CTRB1: variants seen among roughly 807,000 people sequenced by gnomAD.
CTRB1 encodes the protein chymotrypsinogen B.
CTRB1 carries 15 observed loss-of-function variants against 20.4 expected under a neutral mutation model. The ratio of observed to expected loss-of-function variants is 0.74; its 90% confidence interval spans 0.49 to 1.13. The LOEUF (loss-of-function observed/expected upper bound fraction) is 1.13. Ranked by LOEUF, CTRB1 falls within the 50% of genes most tolerant of loss-of-function variation. The pLI is 0.00. For missense variants in CTRB1, 227 were observed against 290.1 expected (o/e 0.78, Z 1.58); for synonymous variants, 92 against 128.4 (o/e 0.72, Z 1.92).
chr16:75,224,564 T>G, intron 6 of CTRB1, 141 bp from the exon 7 acceptor site: 1 of 1,046,712 alleles, frequency 9.6e-7, no homozygotes, highest in South Asian at 1.6e-5. Flanking sequence ...ACTAGGGTCT[T>G]TCATAACCCA....
chr16:75,224,001 C>T, intron 5 of CTRB1, 54 bp from the exon 6 acceptor site: 1 of 631,802 alleles, frequency 1.6e-6, no homozygotes, highest in Non-Finnish European at 2.5e-6. Flanking sequence ...GGGTCTCTCC[C>T]TCCACTCTTG....
intron 1 of CTRB1, among the ~76,000 whole-genome samples, chr16:75,219,980 G>C (rs1567568616): frequency 6.6e-6 from 1 of 151,800 alleles, no homozygotes; most frequent in Non-Finnish European, 1.5e-5. Context: ...ATTCTATCCT[G>C]TTTTTGGTTT....
intron 1 of CTRB1, among the ~76,000 whole-genome samples, chr16:75,221,623 G>C (rs530547105): frequency 6.6e-6 from 1 of 152,116 alleles, no homozygotes; most frequent in African/African-American, 2.4e-5. Context: ...GCCTCTCAAA[G>C]TGTTAGGATT....
chr16:75,222,647 T>C, intron 1 of CTRB1, 121 bp from the exon 2 acceptor site: 1 of 1,105,888 alleles, frequency 9.0e-7, no homozygotes, highest in Non-Finnish European at 1.3e-6. Flanking sequence ...AGGCGGCATG[T>C]GCCAGGGAGG....
At chr16:75,222,685 T>C (rs1439152796) in intron 1 of CTRB1, 83 bp from the exon 2 acceptor site, 12 of 1,439,950 alleles carry the variant, frequency 8.3e-6, no homozygotes, top group Non-Finnish European at 8.4e-6. Flanking sequence ...TGGACTGGGG[T>C]AGAACCGGGA....
Position 75,219,078 on chromosome 16 carries a change from G to T in CTRB1, c.52+19G>T. 6.3e-7 allele frequency: 1 copy of T among 1,579,420 alleles called. No homozygotes were observed. On this transcript the variant is annotated intron_variant, in intron 1 of 6. Transcript: ENST00000361017. ...GCCTTTGGTGAGTGCTGGTGCCCGA[G>T]GGGTCTGTCCTGAGGGAGCCCTGAG...
rs2076724759 is a variant in CTRB1 at position 75,224,785 on chromosome 16, C to T, written c.711C>T (p.Thr237=). Residue 237 remains threonine, a synonymous_variant, in exon 7 of 7, where the codon ACC becomes ACT. Coordinates refer to ENST00000361017, the MANE Select transcript of CTRB1 (RefSeq NM_001906.6). ...GCATTGTGTCCTGGGGCAGCGACAC[C>T]TGCTCCACCTCCAGCCCTGGCGTGT... ...LVGIVSWGSD[T]CSTSSPGVYA... The T allele has an allele frequency of 6.2e-7, 1 of 1,614,004 alleles. No individual in the cohort carries two copies. Among genetic ancestry groups the T allele is most frequent in the Non-Finnish European group, 8.5e-7 (1 of 1,180,038 alleles).
chr16:75,224,565 T>C (rs1330958493), intron 6 of CTRB1, 140 bp from the exon 7 acceptor site: 27 of 1,053,262 alleles, frequency 2.6e-5, no homozygotes, highest in Non-Finnish European at 3.7e-5. Flanking sequence ...CTAGGGTCTT[T>C]CATAACCCAC....
intron 1 of CTRB1, among the ~76,000 whole-genome samples, chr16:75,220,411 T>A (rs1223570597): frequency 6.6e-6 from 1 of 152,204 alleles, no homozygotes. Flanking sequence ...CTTGAACTCC[T>A]AACCTCCAGT....
At chr16:75,219,626 C>T (rs193214591) in intron 1 of CTRB1, among the ~76,000 whole-genome samples, 3,584 of 152,242 alleles carry the variant, frequency 0.024, 89 homozygotes, top group Middle Eastern at 0.11. Flanking sequence ...TCAGGTGATG[C>T]CCCCGCCTCG....
chr16:75,222,607 A>C (rs1022600521), intron 1 of CTRB1, 161 bp from the exon 2 acceptor site: 1 of 728,016 alleles, frequency 1.4e-6, no homozygotes, highest in Non-Finnish European at 2.2e-6. Context: ...GGAACGTTTG[A>C]GCCTAGAGAC....
At chr16:75,222,159 TGG>T in intron 1 of CTRB1, among the ~76,000 whole-genome samples, 1 of 111,348 alleles carries the variant, frequency 9.0e-6, no homozygotes, top group Non-Finnish European at 2.0e-5. Context: ...AGACCCTAAC[TGG>T]AAAAAAAAAA....
At chr16:75,222,361 C>T (rs1041135261) in intron 1 of CTRB1, among the ~76,000 whole-genome samples, 6 of 152,158 alleles carry the variant, frequency 3.9e-5, no homozygotes, top group African/African-American at 1.4e-4. Context: ...GCACGTGGGC[C>T]AGTGGAGCTC....
intron 1 of CTRB1, chr16:75,222,467 G>A (rs1174178840): frequency 2.1e-5 from 10 of 471,724 alleles, no homozygotes; most frequent in East Asian, 7.2e-5. Context: ...GTGTGTCCTC[G>A]AGGCTGAGCC....
intron 1 of CTRB1, among the ~76,000 whole-genome samples, chr16:75,220,148 G>C (rs887530952): frequency 4.6e-5 from 7 of 151,400 alleles, no homozygotes; most frequent in Non-Finnish European, 1.0e-4. Flanking sequence ...TTAAAAACTT[G>C]TTTTGTTTTG....
chr16:75,224,128 G>A lies in CTRB1; in HGVS notation c.570G>A (p.Trp190Ter). ...LLSNAECKKS[W>*]GRRITDVMIC... ...CCAATGCCGAATGCAAGAAGTCCTG[G>A]GGCAGGAGGATCACCGACGTGATGA... Residue 190 changes from tryptophan (W) to a stop codon, truncating the protein, a stop_gained, in exon 6 of 7, where the codon TGG (tryptophan) becomes TGA (stop). Transcript: ENST00000361017. LOFTEE classifies it high-confidence loss of function. 1 of 1,436,130 alleles carries A rather than the reference G, an allele frequency of 7.0e-7. No homozygotes were observed. The allele number at this position is 1,436,130 out of a possible 1,614,324, so 89.0% of individuals were successfully genotyped here.
rs192609569 is a variant in CTRB1, at chr16:75,222,601, C to T, written c.53-167C>T. 4.8e-4 allele frequency: 334 copies of T among 696,694 alleles called. 1 individual carries two copies. In the Middle Eastern group the frequency reaches 6.0e-3, roughly 13 times the overall value. The allele number at this position is 696,694 out of a possible 1,614,324, so 43.2% of individuals were successfully genotyped here. ...GAGCCAGCAGGCCGAGAGTTGGGAA[C>T]GTTTGAGCCTAGAGACTTGGGGACC... On this transcript the variant is annotated intron_variant, in intron 1 of 6. Transcript: ENST00000361017.
At position 75,219,874 on chromosome 16, in the gene CTRB1, T is replaced by C. The variant is rs150177990; in HGVS notation, c.52+815T>C. Among the ~76,000 whole-genome samples the C allele has an allele frequency of 4.7e-3, 718 of 152,374 alleles. 2 individuals carry two copies. Among genetic ancestry groups the C allele is most frequent in the Middle Eastern group, 0.014 (4 of 294 alleles). The stretch of plus-strand genomic sequence containing the variant: ...GGAATGTGAGCTTGATTCTGAACTT[T>C]CTATGAATAATTGCAGTGTGAGCTT... On this transcript the variant is annotated intron_variant, in intron 1 of 6. Transcript: ENST00000361017.
At chr16:75,219,551 C>G (rs1282428418) in intron 1 of CTRB1, among the ~76,000 whole-genome samples, 1 of 152,094 alleles carries the variant, frequency 6.6e-6, no homozygotes, top group Non-Finnish European at 1.5e-5. Flanking sequence ...ACCACCAACC[C>G]TGGCTAATTT....
Sources: gnomAD v4.1 joint callset for allele counts (sites outside exome capture counted in the v4.1 genomes callset) on GRCh38, gnomAD v4.1.1 for gene constraint, MANE v1.5 for transcripts, NCBI Gene and HGNC (gene_info 2026-07-23, HGNC 2026-07-21) for gene names.